Variants in NMT2 observed in about 807,000 individuals in gnomAD.
The protein encoded by NMT2 is N-myristoyltransferase 2.
Under a neutral mutation model 65.4 loss-of-function variants are expected in NMT2, and 35 were observed. That is an observed-to-expected ratio of 0.54 (90% CI 0.41 to 0.71). The LOEUF is 0.71. NMT2 is among the 30% of genes least tolerant of loss of function. The pLI is 0.00. For missense variants in NMT2, 489 were observed against 611.3 expected, an observed-to-expected ratio of 0.80 and a Z score of 2.11; for synonymous variants, 226 against 231.8, an observed-to-expected ratio of 0.98 and a Z score of 0.23.
intron 1 of NMT2, among the ~76,000 whole-genome samples, chr10:15,153,562 C>G (rs946320423): frequency 6.6e-6 from 1 of 152,236 alleles, no homozygotes; most frequent in African/African-American, 2.4e-5. Context: ...CTGAATACGT[C>G]ACACTACTTA....
intron 1 of NMT2, among the ~76,000 whole-genome samples, chr10:15,149,548 C>T (rs1832727204): frequency 6.6e-6 from 1 of 151,354 alleles, no homozygotes; most frequent in Non-Finnish European, 1.5e-5. Flanking sequence ...CCACCATCAC[C>T]ACCATCATCA....
At chr10:15,153,630 G>C (rs1024555550) in intron 1 of NMT2, among the ~76,000 whole-genome samples, 4 of 152,104 alleles carry the variant, frequency 2.6e-5, no homozygotes, top group African/African-American at 9.7e-5. Flanking sequence ...GCTACACACA[G>C]ATGTTTTGTT....
Position 15,107,089 on chromosome 10 carries a change from A to G in NMT2, c.*2106T>C, listed in dbSNP as rs199553667. ...GTGCCACTGTATTCTAGCCTGGACA[A>G]TAGAGTGAGACCCTGTCCTAAAAAA... On this transcript the variant is annotated 3_prime_UTR_variant, in exon 12 of 12. Coordinates refer to ENST00000378165, the MANE Select transcript of NMT2 (RefSeq NM_004808.3). Among the ~76,000 whole-genome samples the G allele has an allele frequency of 1.2e-4, 18 of 148,648 alleles. 1 individual carries two copies. The East Asian group carries it at 3.6e-3, about 30-fold the overall frequency.
intron 1 of NMT2, among the ~76,000 whole-genome samples, chr10:15,162,767 T>TTA (rs925626359): frequency 1.1e-3 from 164 of 148,384 alleles, no homozygotes; most frequent in East Asian, 5.3e-3. Flanking sequence ...TATATTTTAT[T>TTA]TATATATATA....
rs1554824598 is a variant in NMT2 at position 15,144,653 on chromosome 10, C to G, written c.111-3096G>C. On this transcript the variant is annotated intron_variant, in intron 1 of 11. Transcript: ENST00000378165. ...GGCTGAGGCAGGAGAATGGCGTGAACCCGGGAAGCGGAGCTTGCAGTGAGC... is the reference window on the plus strand; with the variant it reads ...GGCTGAGGCAGGAGAATGGCGTGAAGCCGGGAAGCGGAGCTTGCAGTGAGC... Among the ~76,000 whole-genome samples, 3 of 152,138 alleles carry G rather than the reference C, an allele frequency of 2.0e-5. No individual in the cohort carries two copies. In the South Asian group the frequency reaches 6.2e-4, roughly 31 times the overall value.
chr10:15,154,359 T>C (rs754109673), intron 1 of NMT2, among the ~76,000 whole-genome samples: 4 of 151,980 alleles, frequency 2.6e-5, no homozygotes, highest in African/African-American at 4.8e-5. Context: ...GGCCAGCCAA[T>C]TGACCTGACT....
intron 1 of NMT2, among the ~76,000 whole-genome samples, chr10:15,151,981 G>A (rs370083119): frequency 3.9e-5 from 6 of 152,198 alleles, no homozygotes; most frequent in Admixed American, 3.9e-4. Context: ...AGCCAAGATC[G>A]TGCCACTGCA....
rs1268756367 is a variant in NMT2 at position 15,106,893 on chromosome 10, G to C, written c.*2302C>G. 1.3e-5 allele frequency among the ~76,000 whole-genome samples: 2 copies of C among 152,190 alleles called. No individual in the cohort carries two copies. Among genetic ancestry groups the C allele is most frequent in the African/African-American group, 4.8e-5 (2 of 41,442 alleles). On this transcript the variant is annotated 3_prime_UTR_variant, in exon 12 of 12. Coordinates refer to ENST00000378165, the MANE Select transcript of NMT2 (RefSeq NM_004808.3). ...AGGCAGAAGGATCACTTGAGGCCAG[G>C]AGTTAAAGACCAGCACGGGAAACAT...
chr10:15,111,190 C>T (rs1845500777), intron 10 of NMT2, among the ~76,000 whole-genome samples: 1 of 152,058 alleles, frequency 6.6e-6, no homozygotes, highest in Non-Finnish European at 1.5e-5. Flanking sequence ...GAAGCTATTG[C>T]CCAGGGACCA....
At position 15,107,942 on chromosome 10, in the gene NMT2, C is replaced by T. The variant is rs1408302198; in HGVS notation, c.*1253G>A. ...ACTTATTTACAAATAAGACATTTTC[C>T]ATTAGCATGACACATGACAGTTTTC... On this transcript the variant is annotated 3_prime_UTR_variant, in exon 12 of 12. Coordinates refer to ENST00000378165, the MANE Select transcript of NMT2 (RefSeq NM_004808.3). 11 of 985,364 alleles carry T rather than the reference C, an allele frequency of 1.1e-5. No individual in the cohort carries two copies. Among genetic ancestry groups the T allele is most frequent in the Non-Finnish European group, 1.3e-5 (11 of 829,634 alleles). 61.0% of individuals were successfully genotyped at this position (985,364 alleles called of 1,614,324 possible). A position where few individuals can be genotyped will look rare whatever the true frequency, so the allele number is the denominator to read the frequency against.
chr10:15,151,982 T>G (rs1342923916), intron 1 of NMT2, among the ~76,000 whole-genome samples: 1 of 152,192 alleles, frequency 6.6e-6, no homozygotes. Flanking sequence ...GCCAAGATCG[T>G]GCCACTGCAC....
intron 1 of NMT2, among the ~76,000 whole-genome samples, chr10:15,143,811 T>A (rs1446378277): frequency 7.2e-5 from 11 of 152,218 alleles, no homozygotes. Context: ...GCCATGATCA[T>A]GCCACTGCAC....
chr10:15,158,128 C>T (rs1833062405), intron 1 of NMT2, among the ~76,000 whole-genome samples: 1 of 151,964 alleles, frequency 6.6e-6, no homozygotes, highest in Non-Finnish European at 1.5e-5. Flanking sequence ...CCATCCTGGC[C>T]AACATGGCAA....
At chr10:15,121,352 G>A (rs1037243748) in intron 8 of NMT2, among the ~76,000 whole-genome samples, 1 of 152,170 alleles carries the variant, frequency 6.6e-6, no homozygotes, top group Non-Finnish European at 1.5e-5. Flanking sequence ...GCCCCCAGGT[G>A]GAAGCCCAAG....
intron 8 of NMT2, among the ~76,000 whole-genome samples, chr10:15,120,713 AATG>A (rs1407449659): frequency 6.6e-6 from 1 of 152,226 alleles, no homozygotes; most frequent in Non-Finnish European, 1.5e-5. Flanking sequence ...CTTGAACAAA[AATG>A]ATATAGGAGT....
intron 1 of NMT2, among the ~76,000 whole-genome samples, chr10:15,163,234 G>C (rs1472645617): frequency 1.3e-5 from 2 of 152,120 alleles, no homozygotes; most frequent in African/African-American, 4.8e-5. Flanking sequence ...TTTTGAATAA[G>C]CGTATTTTTA....
At chr10:15,112,757 T>G in intron 10 of NMT2, 39 bp downstream of exon 10, 5 of 1,569,020 alleles carry the variant, frequency 3.2e-6, no homozygotes, top group Non-Finnish European at 4.3e-6. Flanking sequence ...CACAGACATT[T>G]GGAGAACCAA....
At chr10:15,136,443 CA>C (rs1415900753) in intron 2 of NMT2, among the ~76,000 whole-genome samples, 28 of 100,694 alleles carry the variant, frequency 2.8e-4, no homozygotes, top group African/African-American at 9.9e-4. Context: ...AGGAGAGGGA[CA>C]GGGGGAGGAG....
At chr10:15,153,542 C>A (rs1832877346) in intron 1 of NMT2, among the ~76,000 whole-genome samples, 1 of 152,238 alleles carries the variant, frequency 6.6e-6, no homozygotes, top group South Asian at 2.1e-4. Flanking sequence ...TTGTACCACA[C>A]AGCTGACCTC....
Sources: allele counts gnomAD v4.1 joint callset (sites outside exome capture counted in the v4.1 genomes callset), GRCh38; gene constraint gnomAD v4.1.1; transcripts MANE v1.5; gene names NCBI Gene and HGNC (gene_info 2026-07-23, HGNC 2026-07-21).